The following PLAUR variants were observed in gnomAD, a reference collection of about 807,000 sequenced individuals.
The protein encoded by PLAUR is urokinase plasminogen activator surface receptor.
PLAUR carries 22 observed loss-of-function variants against 33.4 expected under a neutral mutation model. That is an observed-to-expected ratio of 0.66 (90% CI 0.47 to 0.94). The LOEUF (loss-of-function observed/expected upper bound fraction) is 0.94. PLAUR is among the 40% of genes least tolerant of loss of function. PLAUR has a pLI of 0.00. For missense variants in PLAUR, 408 were observed against 434.7 expected (o/e 0.94, Z 0.55); for synonymous variants, 148 against 167.3 (o/e 0.88, Z 0.89).
intron 3 of PLAUR, among the ~76,000 whole-genome samples, chr19:43,663,300 TACACACACACAC>T (rs59542257): frequency 0.11 from 14,033 of 131,816 alleles, 821 homozygotes; most frequent in East Asian, 0.22. Flanking sequence ...CTGTCACCCC[TACACACACACAC>T]ACACACACAC....
intron 2 of PLAUR, chr19:43,667,176 C>A: frequency 4.9e-6 from 1 of 202,570 alleles, no homozygotes; most frequent in Non-Finnish European, 1.0e-5. Context: ...TGAGCCAGTG[C>A]CCAGCCTGTT....
chr19:43,670,070 G>A lies in PLAUR; in HGVS notation c.51C>T (p.Val17=), dbSNP rs1384001980. 2 of 1,613,336 alleles carry A rather than the reference G, an allele frequency of 1.2e-6. No homozygotes were observed. The highest frequency in any genetic ancestry group is 2.2e-5 in the East Asian group (1 of 44,838). Residue 17 remains valine, a synonymous_variant, in exon 1 of 7, where the codon GTC becomes GTT. Coordinates refer to ENST00000340093, the MANE Select transcript of PLAUR (RefSeq NM_002659.4). ...CGTTCGGGACCCAGCCCCTACCTGGGACGCAGGTGTGGAGCAGCAGCAGCA... is the reference window on the plus strand; with the variant it reads ...CGTTCGGGACCCAGCCCCTACCTGGAACGCAGGTGTGGAGCAGCAGCAGCA... The part of the protein sequence containing the change: ...LPLLLLLHTC[V]PASWGLRCMQ...
chr19:43,662,864 A>T (rs564597691), intron 3 of PLAUR, among the ~76,000 whole-genome samples: 1 of 152,228 alleles, frequency 6.6e-6, no homozygotes, highest in East Asian at 1.9e-4. Context: ...ACAGGCATGT[A>T]CCATCACATC....
intron 3 of PLAUR, among the ~76,000 whole-genome samples, chr19:43,663,388 A>G (rs1055616977): frequency 1.3e-5 from 2 of 149,982 alleles, no homozygotes; most frequent in African/African-American, 4.9e-5. Context: ...GCAGGGCACA[A>G]GGCTGTCTTG....
chr19:43,650,008 C>CTTTTTTT (rs200384971), intron 6 of PLAUR, among the ~76,000 whole-genome samples: 9 of 137,374 alleles, frequency 6.6e-5, no homozygotes, highest in South Asian at 2.2e-4. Flanking sequence ...TCTCATTACG[C>CTTTTTTT]TTTTTTTTTG....
At position 43,667,669 on chromosome 19, in the gene PLAUR, C is replaced by T; in HGVS notation, c.78G>A (p.Met26Ile). The change falls in exon 2 of 7, where the codon ATG (methionine) becomes ATA (isoleucine). Residue 26 changes from methionine to isoleucine, a missense_variant. Coordinates refer to ENST00000340093, the MANE Select transcript of PLAUR (RefSeq NM_002659.4). ...CVPASWGLRCMQCKTNGDCRV... is the reference protein window; with the variant it reads ...CVPASWGLRCIQCKTNGDCRV... ...GGCAATCCCCGTTGGTCTTACACTG[C>T]ATGCACCGCAGGCCCCAAGAGGCTG... is the stretch of plus-strand genomic sequence containing the variant. 2 of 1,613,964 alleles carry T rather than the reference C, an allele frequency of 1.2e-6. No homozygotes were observed. The highest frequency in any genetic ancestry group is 1.7e-6 in the Non-Finnish European group (2 of 1,179,980).
downstream of PLAUR, chr19:43,648,488 G>A (rs1973863070): frequency 7.9e-6 from 6 of 756,086 alleles, no homozygotes; most frequent in Non-Finnish European, 9.7e-6. Flanking sequence ...CCTCAAACAT[G>A]ACCCCTGATT....
chr19:43,658,426 A>C (rs1024772666), intron 3 of PLAUR, among the ~76,000 whole-genome samples: 3 of 152,230 alleles, frequency 2.0e-5, no homozygotes, highest in African/African-American at 7.2e-5. Flanking sequence ...GTGAAATAAC[A>C]CATGCTTATT....
intron 6 of PLAUR, among the ~76,000 whole-genome samples, chr19:43,649,804 CAG>C (rs1430983792): frequency 1.3e-5 from 2 of 152,028 alleles, no homozygotes; most frequent in African/African-American, 4.8e-5. Context: ...TCAGGGACCC[CAG>C]AGACCCTTTC....
chr19:43,647,988 G>C (rs940105008), downstream of PLAUR, among the ~76,000 whole-genome samples: 2 of 150,352 alleles, frequency 1.3e-5, no homozygotes, highest in African/African-American at 2.5e-5. Context: ...GTTTTGGAAG[G>C]GGGTGCTTAT....
downstream of PLAUR, among the ~76,000 whole-genome samples, chr19:43,648,059 C>T (rs112729052): frequency 1.1e-4 from 17 of 150,190 alleles, no homozygotes; most frequent in South Asian, 2.9e-3. Context: ...AGTCTCTGGT[C>T]GGAAGGGAGG....
chr19:43,651,078 T>A (rs73038895), intron 6 of PLAUR, among the ~76,000 whole-genome samples: 26,075 of 151,946 alleles, frequency 0.17, 3,005 homozygotes, highest in African/African-American at 0.33. Context: ...AATTTAATTT[T>A]ATTTTATTTT....
chr19:43,668,125 T>G, intron 1 of PLAUR: 2 of 1,003,970 alleles, frequency 2.0e-6, no homozygotes, highest in Non-Finnish European at 2.4e-6. Flanking sequence ...GATCTTTATG[T>G]TATACCGTCA....
chr19:43,647,267 C>T (rs1161377346), downstream of PLAUR, among the ~76,000 whole-genome samples: 1 of 152,064 alleles, frequency 6.6e-6, no homozygotes, highest in Non-Finnish European at 1.5e-5. Context: ...GAAATAGAGC[C>T]CAGCCTTTAT....
chr19:43,655,140 G>A (rs1015001240), intron 5 of PLAUR, among the ~76,000 whole-genome samples: 9 of 152,098 alleles, frequency 5.9e-5, no homozygotes, highest in African/African-American at 2.2e-4. Context: ...AGCCAGGGGT[G>A]ATGGTGGGCA....
chr19:43,659,167 C>CTTTTCTTTT (rs778921148), intron 3 of PLAUR, among the ~76,000 whole-genome samples: 1 of 97,140 alleles, frequency 1.0e-5, no homozygotes, highest in Admixed American at 1.4e-4. Context: ...CTTTTCTTTT[C>CTTTTCTTTT]TTTTTTTTTT....
chr19:43,660,939 G>A (rs2283632), intron 3 of PLAUR: 17,338 of 152,094 alleles, frequency 0.11, 1,066 homozygotes, highest in East Asian at 0.23. Flanking sequence ...CCTTACCCCT[G>A]GGGTGGTCTT....
downstream of PLAUR, chr19:43,646,653 C>T (rs1973829140): frequency 6.1e-6 from 4 of 658,834 alleles, no homozygotes; most frequent in East Asian, 1.1e-4. Context: ...GTCACAGAGT[C>T]ACTCATATTC....
intron 6 of PLAUR, among the ~76,000 whole-genome samples, chr19:43,651,484 G>C (rs1973992382): frequency 6.6e-6 from 1 of 151,366 alleles, no homozygotes; most frequent in South Asian, 2.1e-4. Flanking sequence ...ATCCAGGCTG[G>C]AGTGCAGTGG....
Sources: gnomAD v4.1 joint callset for allele counts (sites outside exome capture counted in the v4.1 genomes callset) on GRCh38, gnomAD v4.1.1 for gene constraint, MANE v1.5 for transcripts, NCBI Gene and HGNC (gene_info 2026-07-23, HGNC 2026-07-21) for gene names.